The following HK1 variants were observed in gnomAD, a reference collection of about 807,000 sequenced individuals.
HK1 encodes the protein hexokinase-1.
In HK1, 28 loss-of-function variants were observed where a neutral mutation model predicts 91.6. The observed-to-expected ratio is 0.31, with a 90% confidence interval of 0.23 to 0.42. The LOEUF is 0.42. Among genes scored for constraint, HK1 ranks in the 10% least tolerant of loss-of-function variants. HK1 has a pLI of 1.00. For synonymous variants in HK1, 430 were observed against 468.1 expected, an observed-to-expected ratio of 0.92 and a Z score of 1.05; for missense variants, 770 against 1,219.8, an observed-to-expected ratio of 0.63 and a Z score of 5.49.
chr10:69,338,532 C>T, intron 1 of HK1: 3 of 1,289,720 alleles, frequency 2.3e-6, no homozygotes, highest in South Asian at 1.2e-5. Flanking sequence ...GTGGAAGCAG[C>T]TGGAAGTGGT....
At chr10:69,333,493 T>C (rs979631388) in intron 1 of HK1, among the ~76,000 whole-genome samples, 2 of 152,190 alleles carry the variant, frequency 1.3e-5, no homozygotes, top group African/African-American at 4.8e-5. Context: ...TTTTAGCTAG[T>C]TCAGTGTGAC....
intron 3 of HK1, among the ~76,000 whole-genome samples, chr10:69,293,074 C>A (rs1845371085): frequency 6.6e-6 from 1 of 152,206 alleles, no homozygotes; most frequent in African/African-American, 2.4e-5. Context: ...GCTGGCTACA[C>A]TCCCAACACT....
chr10:69,396,864 T>A (rs1840167549), intron 16 of HK1, among the ~76,000 whole-genome samples: 1 of 152,006 alleles, frequency 6.6e-6, no homozygotes, highest in Non-Finnish European at 1.5e-5. Context: ...TTTGTATTTT[T>A]AGTAGAGATG....
intron 4 of HK1, among the ~76,000 whole-genome samples, chr10:69,297,830 A>T (rs1270973932): frequency 6.7e-6 from 1 of 150,204 alleles, no homozygotes; most frequent in Non-Finnish European, 1.5e-5. Context: ...TGGGAGGCGG[A>T]GGTTGCAGTG....
At chr10:69,344,172 C>G (rs1469953663) in intron 2 of HK1, among the ~76,000 whole-genome samples, 183 bp downstream of exon 2, 2 of 152,122 alleles carry the variant, frequency 1.3e-5, no homozygotes, top group African/African-American at 4.8e-5. Context: ...TCCATCCATC[C>G]GCTGATCCAT....
chr10:69,289,461 ATT>A (rs67564699), intron 3 of HK1, among the ~76,000 whole-genome samples: 108 of 112,770 alleles, frequency 9.6e-4, no homozygotes, highest in African/African-American at 4.0e-3. Context: ...AAAAAAAAAA[ATT>A]TTTTTTTTTT....
chr10:69,292,719 C>T lies in HK1; in HGVS notation c.-114-2914C>T, dbSNP rs1160897152. Reference sequence around the variant, plus strand: ...TGAGGAGGGCCTCAGTATTCGTATTCGTATTTTTCCCCCAGTTTTCCCCCA... The same window carrying T: ...TGAGGAGGGCCTCAGTATTCGTATTTGTATTTTTCCCCCAGTTTTCCCCCA... On this transcript the variant is annotated intron_variant, in intron 3 of 21. Transcript: ENST00000360289. 1.3e-5 allele frequency among the ~76,000 whole-genome samples: 2 copies of T among 152,116 alleles called. 1 individual carries two copies. Among genetic ancestry groups the T allele is most frequent in the South Asian group, 4.1e-4 (2 of 4,828 alleles).
chr10:69,341,683 T>G (rs1039995466), intron 1 of HK1, among the ~76,000 whole-genome samples: 1 of 152,076 alleles, frequency 6.6e-6, no homozygotes. Context: ...CTCGAACTCC[T>G]GGGCTCAAAT....
At chr10:69,374,940 G>A (rs528423423) in intron 7 of HK1, among the ~76,000 whole-genome samples, 1 of 152,346 alleles carries the variant, frequency 6.6e-6, no homozygotes, top group African/African-American at 2.4e-5. Flanking sequence ...CTAGGTGGCT[G>A]CTAGCATGAT....
chr10:69,281,924 C>T (rs1844773502), intron 1 of HK1, among the ~76,000 whole-genome samples: 2 of 152,170 alleles, frequency 1.3e-5, no homozygotes, highest in Non-Finnish European at 2.9e-5. Flanking sequence ...CTATTTTGGC[C>T]ACAGAGTGGG....
At chr10:69,384,259 G>A in intron 10 of HK1, 74 bp from the exon 11 acceptor site, 1 of 1,569,230 alleles carries the variant, frequency 6.4e-7, no homozygotes, top group African/African-American at 1.3e-5. Context: ...TTGAAAGTCT[G>A]GAGTCTTGGG....
In HK1 at chr10:69,336,637, C is replaced by CTTT. The variant is rs56893382; in HGVS notation, c.64-7172_64-7170dup. Among the ~76,000 whole-genome samples the CTTT allele has an allele frequency of 3.8e-3, 436 of 114,144 alleles. 24 individuals carry two copies. The highest frequency in any genetic ancestry group is 0.015 in the African/African-American group (403 of 26,246). The allele number at this position is 114,144 out of a possible 152,430, so 74.9% of individuals were successfully genotyped here. A position where few individuals can be genotyped will look rare whatever the true frequency, so the allele number is the denominator to read the frequency against. On this transcript the variant is annotated intron_variant, in intron 1 of 17. Transcript: ENST00000359426. ...GGGTCAATAGCATTTTGGTAGATGC[C>CTTT]TTTTTTTTTTTTTTTTTTTTGAGAT...
chr10:69,361,972 C>T (rs1246193018), intron 3 of HK1, among the ~76,000 whole-genome samples: 1 of 152,128 alleles, frequency 6.6e-6, no homozygotes, highest in Non-Finnish European at 1.5e-5. Flanking sequence ...CATGCGCCAC[C>T]ACACCTGACT....
At chr10:69,283,963 C>T (rs1463257169) in intron 2 of HK1, among the ~76,000 whole-genome samples, 1 of 152,128 alleles carries the variant, frequency 6.6e-6, no homozygotes, top group African/African-American at 2.4e-5. Context: ...TAATTTGTAA[C>T]TGGGCCAAAG....
chr10:69,301,425 C>T (rs112651208), intron 5 of HK1, among the ~76,000 whole-genome samples: 3,161 of 148,316 alleles, frequency 0.021, 107 homozygotes, highest in African/African-American at 0.072. Context: ...AATACAAAAA[C>T]TAGCCAGTTG....
Position 69,318,866 on chromosome 10 carries a change from G to A in HK1, c.-82G>A. On this transcript the variant is annotated 5_prime_UTR_variant, in exon 1 of 18. Transcript: ENST00000359426. Reference sequence around the variant, plus strand: ...GAGGAGGAGGAGGAGCCGCCGAGCAGCCGCCGGAGGACCACGGCTCGCCAG... The same window carrying A: ...GAGGAGGAGGAGGAGCCGCCGAGCAACCGCCGGAGGACCACGGCTCGCCAG... 6.6e-7 allele frequency: 1 copy of A among 1,507,290 alleles called. No individual in the cohort carries two copies. The highest frequency in any genetic ancestry group is 8.9e-7 in the Non-Finnish European group (1 of 1,129,158). 93.4% of individuals were successfully genotyped at this position (1,507,290 alleles called of 1,614,324 possible). A position where few individuals can be genotyped will look rare whatever the true frequency, so the allele number is the denominator to read the frequency against.
intron 1 of HK1, among the ~76,000 whole-genome samples, chr10:69,337,499 A>C (rs1315060962): frequency 6.6e-6 from 1 of 152,216 alleles, no homozygotes; most frequent in East Asian, 1.9e-4. Context: ...ATGTATGTGA[A>C]GGTCCTGTAT....
At chr10:69,294,529 C>T (rs1454741270) in intron 3 of HK1, among the ~76,000 whole-genome samples, 3 of 151,998 alleles carry the variant, frequency 2.0e-5, no homozygotes, top group African/African-American at 4.8e-5. Context: ...TGAGACCAGC[C>T]TGGTCAACAC....
intron 1 of HK1, among the ~76,000 whole-genome samples, chr10:69,341,237 C>T (rs1270322234): frequency 6.6e-6 from 1 of 151,200 alleles, no homozygotes; most frequent in Non-Finnish European, 1.5e-5. Context: ...TCATAGCACC[C>T]TGCAACCTCT....
Sources: allele counts gnomAD v4.1 joint callset (sites outside exome capture counted in the v4.1 genomes callset), GRCh38; gene constraint gnomAD v4.1.1; transcripts MANE v1.5; gene names NCBI Gene and HGNC (gene_info 2026-07-23, HGNC 2026-07-21).